FHOD1: variants seen among roughly 807,000 people sequenced by gnomAD.
FHOD1 encodes the protein FH1/FH2 domain-containing protein 1.
FHOD1 carries 89 observed loss-of-function variants against 111.6 expected under a neutral mutation model. The observed-to-expected ratio is 0.80, with a 90% CI of 0.67 to 0.95. The LOEUF (loss-of-function observed/expected upper bound fraction) is 0.95, where lower values mean the gene tolerates loss of function less well. FHOD1 is among the 40% of genes least tolerant of loss of function. The pLI is 0.00. For synonymous variants in FHOD1, 618 were observed against 639.0 expected (o/e 0.97, Z 0.50); for missense variants, 1,446 against 1,554.2 (o/e 0.93, Z 1.17).
Position 67,237,140 on chromosome 16 carries a change from G to C in FHOD1, c.994-26C>G. The C allele has an allele frequency of 6.2e-7, 1 of 1,604,266 alleles. No homozygotes were observed. The highest frequency in any genetic ancestry group is 8.5e-7 in the Non-Finnish European group (1 of 1,174,408). On this transcript the variant is annotated intron_variant, in intron 9 of 21. Coordinates refer to ENST00000258201, the MANE Select transcript of FHOD1 (RefSeq NM_013241.3). The surrounding 1 kb of genome is among the most constrained non-coding windows in gnomAD (Gnocchi z 5.6). ...CTAGCAGAGGCGGACCAGGATGTAA[G>C]AAAGTGGTTAACGTGTATGCAGGTG... is the stretch of plus-strand genomic sequence containing the variant.
chr16:67,237,814 T>A lies in FHOD1; in HGVS notation c.643-46A>T, dbSNP rs2034548598. On this transcript the variant is annotated intron_variant, in intron 6 of 21. Coordinates refer to ENST00000258201, the MANE Select transcript of FHOD1 (RefSeq NM_013241.3). This position sits in a 1 kb window ranked among gnomAD's most constrained non-coding sequence, Gnocchi z 5.6. Reference sequence around the variant, plus strand: ...ATATGAGTGGGGCTTAGGCCAGACCTGTGCCAGCTGTTGCTGGGGAAGGGG... The same window carrying A: ...ATATGAGTGGGGCTTAGGCCAGACCAGTGCCAGCTGTTGCTGGGGAAGGGG... The A allele has an allele frequency of 6.5e-7, 1 of 1,546,296 alleles. No homozygotes were observed. Among genetic ancestry groups the A allele is most frequent in the African/African-American group, 1.4e-5 (1 of 73,700 alleles).
At position 67,238,245 on chromosome 16, in the gene FHOD1, C is replaced by T. The variant is rs1555497656; in HGVS notation, c.504G>A (p.Val168=). 1 of 1,614,188 alleles carries T rather than the reference C, an allele frequency of 6.2e-7. No homozygotes were observed. ...GGTAGTTGTGGTCGGCAGCAGCACC[C>T]ACACGGATCAGGCAGCTCAGCCCCT... ...HSEGLSCLIR[V]GAAADHNYQS... is the part of the protein sequence containing the mutation. The change falls in exon 5 of 22, where the codon GTG becomes GTA. Residue 168 remains valine (V), a synonymous_variant. Transcript: ENST00000258201. The surrounding 1 kb of genome is among the most constrained non-coding windows in gnomAD (Gnocchi z 4.2).
rs1376242208 is a variant in FHOD1, at chr16:67,234,128, C to T, written c.1575G>A (p.Lys525=). The T allele has an allele frequency of 1.9e-6, 3 of 1,576,020 alleles. No homozygotes were observed. The African/African-American group carries it at 4.1e-5, about 21-fold the overall frequency. ...TAGGGAGCTCCCAGATGGGCTCAGC[C>T]TTGGGGCTTGCTGGTATCAGTGGCT... The part of the protein sequence containing the change: ...PKEPLIPASP[K]AEPIWELPTR... Residue 525 remains lysine, a synonymous_variant, in exon 13 of 22, where the codon AAG becomes AAA. Coordinates refer to ENST00000258201, the MANE Select transcript of FHOD1 (RefSeq NM_013241.3).
At chr16:67,234,744 GTTCAC>G in intron 11 of FHOD1, 1 of 435,180 alleles carries the variant, frequency 2.3e-6, no homozygotes, top group Non-Finnish European at 4.1e-6. Context: ...CCTCGTTCAT[GTTCAC>G]TGTCCTGGTT....
At position 67,232,100 on chromosome 16, in the gene FHOD1, T is replaced by C. The variant is rs779699758; in HGVS notation, c.2141A>G (p.His714Arg). The C allele has an allele frequency of 2.5e-6, 4 of 1,614,200 alleles. No individual in the cohort carries two copies. The highest frequency in any genetic ancestry group is 3.4e-6 in the Non-Finnish European group (4 of 1,180,026). Residue 714 changes from histidine to arginine, a missense_variant, in exon 14 of 22, where the codon CAT becomes CGT. His to Arg is a conservative substitution (Grantham distance 29, BLOSUM62 0). Coordinates refer to ENST00000258201, the MANE Select transcript of FHOD1 (RefSeq NM_013241.3). Reference sequence around the variant, plus strand: ...GTTGAGCAGAGCAGCCTTAATGACATGCACAGGTGGCAGTGTGGTTAGGCC... The same window carrying C: ...GTTGAGCAGAGCAGCCTTAATGACACGCACAGGTGGCAGTGTGGTTAGGCC... ...NIGLTTLPPV[H>R]VIKAALLNFD... is the part of the protein sequence containing the mutation.
At chr16:67,243,364 G>A (rs1189453483) in intron 1 of FHOD1, among the ~76,000 whole-genome samples, 1 of 151,598 alleles carries the variant, frequency 6.6e-6, no homozygotes, top group Non-Finnish European at 1.5e-5. Context: ...GCACCGGACT[G>A]CCTCTTTTTT....
intron 1 of FHOD1, among the ~76,000 whole-genome samples, chr16:67,242,929 G>C (rs1342291832): frequency 6.6e-6 from 1 of 150,990 alleles, no homozygotes. Context: ...ATAATATATA[G>C]ATGTCTATAG....
In FHOD1 at chr16:67,233,903, T is replaced by A; in HGVS notation, c.1800A>T (p.Pro600=). The change falls in exon 13 of 22, where the codon CCA becomes CCT. Residue 600 remains proline (P), a synonymous_variant. Coordinates refer to ENST00000258201, the MANE Select transcript of FHOD1 (RefSeq NM_013241.3). ...GGGCAGCCAGAGGTAGAGGTGGAGG[T>A]GGTGGGAAGGGGCCTTTGATGGGTG... ...PPPPIKGPFP[P]PPPLPLAAPL... 1 of 974,216 alleles carries A rather than the reference T, an allele frequency of 1.0e-6. No individual in the cohort carries two copies. Among genetic ancestry groups the A allele is most frequent in the Non-Finnish European group, 1.3e-6 (1 of 790,968 alleles). The allele number at this position is 974,216 out of a possible 1,614,324, so 60.3% of individuals were successfully genotyped here. A position where few individuals can be genotyped will look rare whatever the true frequency, so the allele number is the denominator to read the frequency against.
chr16:67,247,027 T>G (rs1427346799), intron 1 of FHOD1, 183 bp downstream of exon 1: 3 of 650,084 alleles, frequency 4.6e-6, no homozygotes, highest in Non-Finnish European at 2.5e-6. Context: ...CTCTTCAGTT[T>G]CCCCTCAACT....
At chr16:67,233,020 G>A (rs1458214794) in intron 13 of FHOD1, among the ~76,000 whole-genome samples, 3 of 151,790 alleles carry the variant, frequency 2.0e-5, no homozygotes, top group South Asian at 2.1e-4. Flanking sequence ...GCCTCCCAAA[G>A]TGCTGGGATT....
chr16:67,232,185 C>T lies in FHOD1; in HGVS notation c.2056G>A (p.Glu686Lys). 1 of 1,614,134 alleles carries T rather than the reference C, an allele frequency of 6.2e-7. No homozygotes were observed. The highest frequency in any genetic ancestry group is 8.5e-7 in the Non-Finnish European group (1 of 1,180,024). ...KEVLPSKKAGEGRRTMTTVLD... is the reference protein window; with the variant it reads ...KEVLPSKKAGKGRRTMTTVLD... The stretch of plus-strand genomic sequence containing the variant: ...ACTGTGGTCATTGTCCGGCGGCCCT[C>T]TCCAGCTTTCTGCATGGTTGGGGGA... The change falls in exon 14 of 22, where the codon GAG (glutamate) becomes AAG (lysine). Residue 686 changes from glutamate (E) to lysine (K), a missense_variant. Transcript: ENST00000258201.
chr16:67,230,805 G>A lies in FHOD1; in HGVS notation c.2668-14C>T, dbSNP rs759695675. 5.1e-6 allele frequency: 8 copies of A among 1,574,178 alleles called. No individual in the cohort carries two copies. In the South Asian group the frequency reaches 7.1e-5, roughly 14 times the overall value. ...TTCAAAGTCCACCTGAGAAAGCAAG[G>A]GGGTGCACATACTGTCCCCCCACAC... is the stretch of plus-strand genomic sequence containing the variant. On this transcript the variant is annotated splice_polypyrimidine_tract_variant and intron_variant, in intron 17 of 21. Coordinates refer to ENST00000258201, the MANE Select transcript of FHOD1 (RefSeq NM_013241.3).
chr16:67,241,514 C>T (rs544326628), intron 1 of FHOD1, among the ~76,000 whole-genome samples: 3 of 152,344 alleles, frequency 2.0e-5, no homozygotes, highest in South Asian at 2.1e-4. Flanking sequence ...GGGATCCCCT[C>T]GAATCACACA....
In FHOD1 at chr16:67,247,035, A is replaced by G; in HGVS notation, c.201+175T>C. On this transcript the variant is annotated intron_variant, in intron 1 of 21. Transcript: ENST00000258201. ...GGCACCCCTCTTCAGTTTCCCCTCA[A>G]CTTGAGAGGGGACTCCCCCGCAGGC... The G allele has an allele frequency of 1.1e-5, 8 of 696,818 alleles. No individual in the cohort carries two copies. The South Asian group carries it at 1.7e-4, about 15-fold the overall frequency. 43.2% of individuals were successfully genotyped at this position (696,818 alleles called of 1,614,324 possible).
intron 11 of FHOD1, chr16:67,234,737 C>G: frequency 2.2e-6 from 1 of 452,276 alleles, no homozygotes; most frequent in Admixed American, 3.7e-5. Context: ...CTTGCAACCT[C>G]GTTCATGTTC....
In FHOD1 at chr16:67,247,348, C is replaced by T. The variant is rs769604004; in HGVS notation, c.63G>A (p.Gln21=). 1 of 1,613,718 alleles carries T rather than the reference C, an allele frequency of 6.2e-7. No individual in the cohort carries two copies. Among genetic ancestry groups the T allele is most frequent in the Non-Finnish European group, 8.5e-7 (1 of 1,179,840 alleles). The change falls in exon 1 of 22, where the codon CAG becomes CAA. Residue 21 remains glutamine, a synonymous_variant. Transcript: ENST00000258201. ...EPVSVVTVRV[Q]YLEDTDPFAC... ...CGAAGGGGTCGGTGTCTTCCAGGTA[C>T]TGCACCCTCACGGTCACCACTGATA...
rs775211792 is a variant in FHOD1, at chr16:67,247,354, C to T, written c.57G>A (p.Arg19=). 1.9e-6 allele frequency: 3 copies of T among 1,613,666 alleles called. No individual in the cohort carries two copies. Among genetic ancestry groups the T allele is most frequent in the Non-Finnish European group, 2.5e-6 (3 of 1,179,830 alleles). The change falls in exon 1 of 22, where the codon AGG becomes AGA. Residue 19 remains arginine (R), a synonymous_variant. Transcript: ENST00000258201. ...GGTCGGTGTCTTCCAGGTACTGCAC[C>T]CTCACGGTCACCACTGATACCGGCT... ...DGEPVSVVTV[R]VQYLEDTDPF...
rs2034584943 is a variant in FHOD1, at chr16:67,238,762, G to T, written c.373+141C>A. The T allele has an allele frequency of 4.9e-6, 4 of 811,432 alleles. No individual in the cohort carries two copies. The Admixed American group carries it at 8.4e-5, about 17-fold the overall frequency. The allele number at this position is 811,432 out of a possible 1,614,324, so 50.3% of individuals were successfully genotyped here. ...CCCCTCCACTCCCACCATGGCCCTGGAAGAAGAGGTCAGGATAGGGAGAGG... is the reference window on the plus strand; with the variant it reads ...CCCCTCCACTCCCACCATGGCCCTGTAAGAAGAGGTCAGGATAGGGAGAGG... On this transcript the variant is annotated intron_variant, in intron 3 of 21. Transcript: ENST00000258201. The surrounding 1 kb of genome is among the most constrained non-coding windows in gnomAD (Gnocchi z 4.2).
rs754043657 is a variant in FHOD1 at position 67,229,779 on chromosome 16, G to C, written c.3412+14C>G. 7 of 1,613,978 alleles carry C rather than the reference G, an allele frequency of 4.3e-6. No individual in the cohort carries two copies. Among genetic ancestry groups the C allele is most frequent in the South Asian group, 1.1e-5 (1 of 91,086 alleles). On this transcript the variant is annotated intron_variant, in intron 21 of 21. Transcript: ENST00000258201. ...GGGTTCAGGTGGGCAGTGGGATTGT[G>C]GGGGGTTACTTACAAGACTTGCGGT... is the stretch of plus-strand genomic sequence containing the variant.
Sources: gnomAD v4.1 joint callset for allele counts (sites outside exome capture counted in the v4.1 genomes callset) on GRCh38, gnomAD v4.1.1 for gene constraint, Gnocchi (gnomAD v3.1) non-coding constraint, MANE v1.5 for transcripts, NCBI Gene and HGNC (gene_info 2026-07-23, HGNC 2026-07-21) for gene names.